The following SERBP1 variants were observed in gnomAD, a reference collection of about 807,000 sequenced individuals.
SERBP1 encodes SERPINE1 mRNA binding protein 1.
SERBP1 carries 6 observed loss-of-function variants against 50.2 expected under a neutral mutation model. The ratio of observed to expected loss-of-function variants is 0.12; its 90% CI spans 0.07 to 0.24. The LOEUF (loss-of-function observed/expected upper bound fraction) is 0.24. Among genes scored for constraint, SERBP1 ranks in the 10% least tolerant of loss-of-function variants. The pLI is 1.00. For missense variants in SERBP1, 346 were observed against 524.9 expected (o/e 0.66, Z 3.33); for synonymous variants, 168 against 182.8 (o/e 0.92, Z 0.65).
At chr1:67,427,938 A>G (rs1349977279) in intron 1 of SERBP1, among the ~76,000 whole-genome samples, 2 of 152,226 alleles carry the variant, frequency 1.3e-5, no homozygotes, top group Non-Finnish European at 2.9e-5. Flanking sequence ...CAAATGGGCA[A>G]GAGAATGTAC....
intron 7 of SERBP1, among the ~76,000 whole-genome samples, chr1:67,414,892 A>G (rs1377170791): frequency 6.6e-6 from 1 of 152,260 alleles, no homozygotes; most frequent in East Asian, 1.9e-4. Context: ...CACAGTAACA[A>G]GAATTAAATG....
chr1:67,415,112 T>G, intron 7 of SERBP1, 54 bp downstream of exon 7: 1 of 1,490,642 alleles, frequency 6.7e-7, no homozygotes, highest in Non-Finnish European at 8.9e-7. Context: ...ACCCAGCCAG[T>G]GACTTATAAG....
chr1:67,417,539 CTT>C (rs1179044482), intron 6 of SERBP1, among the ~76,000 whole-genome samples: 227 of 151,016 alleles, frequency 1.5e-3, no homozygotes, highest in African/African-American at 5.2e-3. Context: ...TTGAAACAGT[CTT>C]GCTCTGTCAA....
intron 6 of SERBP1, chr1:67,419,783 G>A (rs979348390): frequency 3.9e-6 from 2 of 510,890 alleles, no homozygotes; most frequent in African/African-American, 4.0e-5. Context: ...TTAGGAAAAA[G>A]TAACTCTACC....
chr1:67,428,699 A>G (rs1326786520), intron 1 of SERBP1, among the ~76,000 whole-genome samples: 1 of 149,736 alleles, frequency 6.7e-6, no homozygotes, highest in Non-Finnish European at 1.5e-5. Flanking sequence ...ACCACCTAGG[A>G]CCGAGGTTCT....
At chr1:67,425,331 T>C (rs1261183277) in intron 2 of SERBP1, 108 bp from the exon 3 acceptor site, 40 of 1,033,912 alleles carry the variant, frequency 3.9e-5, no homozygotes, top group Middle Eastern at 5.7e-4. Flanking sequence ...CAAAAACCAA[T>C]AGTTAAATAC....
rs1332191798 is a variant in SERBP1, at chr1:67,411,789, A to G, written c.*1418T>C. 6.6e-6 allele frequency: 1 copy of G among 152,236 alleles called. No homozygotes were observed. Among genetic ancestry groups the G allele is most frequent in the East Asian group, 1.9e-4 (1 of 5,198 alleles). 9.4% of individuals were successfully genotyped at this position (152,236 alleles called of 1,614,324 possible). ...CATTTCTAAAAATGACGTGACAAAC[A>G]ATTCTTAAAAATTTTTTAAAAATTC... On this transcript the variant is annotated 3_prime_UTR_variant, in exon 8 of 8. Coordinates refer to ENST00000361219, the MANE Select transcript of SERBP1 (RefSeq NM_001018069.2).
At chr1:67,427,333 T>A (rs1667420766) in intron 1 of SERBP1, among the ~76,000 whole-genome samples, 1 of 152,200 alleles carries the variant, frequency 6.6e-6, no homozygotes, top group Non-Finnish European at 1.5e-5. Context: ...ATCAACAGAT[T>A]GATGGTTAAA....
chr1:67,413,184 C>A lies in SERBP1; in HGVS notation c.*23G>T. ...TGAACAGAAGGGTTCACAAAGGAAC[C>A]AGGGTTGTCTTATGGCATCCAGTTA... On this transcript the variant is annotated 3_prime_UTR_variant, in exon 8 of 8. Transcript: ENST00000361219. The A allele has an allele frequency of 1.3e-6, 2 of 1,586,332 alleles. No homozygotes were observed. The highest frequency in any genetic ancestry group is 2.3e-5 in the South Asian group (2 of 85,360).
intron 3 of SERBP1, 26 bp from the exon 4 acceptor site, chr1:67,425,003 C>T: frequency 1.9e-6 from 3 of 1,604,816 alleles, no homozygotes; most frequent in Non-Finnish European, 2.6e-6. Context: ...TAACATAATA[C>T]TCTTTAGTTC....
intron 4 of SERBP1, 139 bp from the exon 5 acceptor site, chr1:67,424,416 T>G: frequency 8.1e-6 from 9 of 1,117,412 alleles, no homozygotes; most frequent in Non-Finnish European, 1.1e-5. Flanking sequence ...TCACATTCTC[T>G]AACTCCTTTC....
At chr1:67,419,081 C>G (rs1193209506) in intron 6 of SERBP1, among the ~76,000 whole-genome samples, 1 of 152,212 alleles carries the variant, frequency 6.6e-6, no homozygotes, top group Non-Finnish European at 1.5e-5. Flanking sequence ...GTGACTTTCT[C>G]CAATACAGTT....
chr1:67,418,726 TCCAG>T (rs1667109074), intron 6 of SERBP1, among the ~76,000 whole-genome samples: 1 of 151,712 alleles, frequency 6.6e-6, no homozygotes, highest in Non-Finnish European at 1.5e-5. Flanking sequence ...GCCACTGCAT[TCCAG>T]CCTGGGCGAC....
chr1:67,417,253 T>C (rs977304857), intron 6 of SERBP1: 4 of 152,102 alleles, frequency 2.6e-5, no homozygotes, highest in Non-Finnish European at 4.4e-5. Flanking sequence ...AGTGGAACAA[T>C]ACAAAGATTA....
intron 6 of SERBP1, among the ~76,000 whole-genome samples, chr1:67,419,520 T>C (rs1188307898): frequency 6.6e-6 from 1 of 152,210 alleles, no homozygotes; most frequent in Non-Finnish European, 1.5e-5. Flanking sequence ...AAAATGCACA[T>C]TGCCATTTAC....
chr1:67,421,534 C>T (rs1276683089), intron 5 of SERBP1, among the ~76,000 whole-genome samples: 1 of 152,228 alleles, frequency 6.6e-6, no homozygotes, highest in Non-Finnish European at 1.5e-5. Context: ...TTAAACCAAA[C>T]ACCCTCAGTT....
At position 67,411,622 on chromosome 1, in the gene SERBP1, T is replaced by C. The variant is rs1164367465; in HGVS notation, c.*1585A>G. The C allele has an allele frequency of 6.6e-6, 1 of 152,216 alleles. No homozygotes were observed. Among genetic ancestry groups the C allele is most frequent in the African/African-American group, 2.4e-5 (1 of 41,472 alleles). 9.4% of individuals were successfully genotyped at this position (152,216 alleles called of 1,614,324 possible). A position where few individuals can be genotyped will look rare whatever the true frequency, so the allele number is the denominator to read the frequency against. ...CAGAATAGTAGGTAACTGAGATTAA[T>C]AAATCTTATCCAAAAAGTAACTCTT... On this transcript the variant is annotated 3_prime_UTR_variant, in exon 8 of 8. Transcript: ENST00000361219.
chr1:67,430,352 G>A lies in SERBP1; in HGVS notation c.-52C>T, dbSNP rs758790341. On this transcript the variant is annotated 5_prime_UTR_variant, in exon 1 of 8. Coordinates refer to ENST00000361219, the MANE Select transcript of SERBP1 (RefSeq NM_001018069.2). The stretch of plus-strand genomic sequence containing the variant: ...CACGGATTGCAGCGGGCCGCGCCGA[G>A]CCAAGAGCGCCTGCTTCAGCTCTTC... The A allele has an allele frequency of 2.7e-6, 4 of 1,480,874 alleles. No homozygotes were observed. In the South Asian group the frequency reaches 4.1e-5, roughly 15 times the overall value. The allele number at this position is 1,480,874 out of a possible 1,614,324, so 91.7% of individuals were successfully genotyped here.
At chr1:67,423,347 C>G (rs1399338916) in intron 5 of SERBP1, among the ~76,000 whole-genome samples, 1 of 151,984 alleles carries the variant, frequency 6.6e-6, no homozygotes, top group East Asian at 1.9e-4. Flanking sequence ...TGGCTCACGC[C>G]TGTAATCCCA....
Sources: gnomAD v4.1 joint callset for allele counts (sites outside exome capture counted in the v4.1 genomes callset) on GRCh38, gnomAD v4.1.1 for gene constraint, MANE v1.5 for transcripts, NCBI Gene and HGNC (gene_info 2026-07-23, HGNC 2026-07-21) for gene names.